Variants in HS3ST4 observed in about 807,000 individuals in gnomAD.
HS3ST4 encodes the protein heparan sulfate glucosamine 3-O-sulfotransferase 4.
HS3ST4 carries 17 observed loss-of-function variants against 29.2 expected under a neutral mutation model. That is an observed-to-expected ratio of 0.58 (90% CI 0.40 to 0.87). HS3ST4 has a LOEUF of 0.87. HS3ST4 is among the 40% of genes least tolerant of loss of function. HS3ST4 has a pLI of 0.00. For missense variants in HS3ST4, 627 were observed against 634.5 expected, an observed-to-expected ratio of 0.99 and a Z score of 0.13; for synonymous variants, 314 against 285.7, an observed-to-expected ratio of 1.10 and a Z score of -1.00.
intron 1 of HS3ST4, among the ~76,000 whole-genome samples, chr16:25,943,232 T>A (rs991153077): frequency 6.6e-6 from 1 of 152,214 alleles, no homozygotes; most frequent in African/African-American, 2.4e-5. Flanking sequence ...GAAATATATA[T>A]GGAGGACATA....
chr16:26,122,117 T>G (rs1318725957), intron 1 of HS3ST4, among the ~76,000 whole-genome samples: 1 of 139,660 alleles, frequency 7.2e-6, no homozygotes, highest in African/African-American at 2.8e-5. Context: ...CCTGTGGACT[T>G]AAGAATTATT....
chr16:25,957,277 T>G (rs1241514694), intron 1 of HS3ST4, among the ~76,000 whole-genome samples: 1 of 152,188 alleles, frequency 6.6e-6, no homozygotes, highest in Non-Finnish European at 1.5e-5. Flanking sequence ...CCCCTTCCCC[T>G]GCCTCTTCTC....
intron 1 of HS3ST4, among the ~76,000 whole-genome samples, chr16:26,073,372 CTTTTCTT>C (rs1898623175): frequency 6.6e-6 from 1 of 150,498 alleles, no homozygotes; most frequent in Middle Eastern, 3.2e-3. Context: ...CTTTTCTTTT[CTTTTCTT>C]TTCTTTTTTT....
At chr16:25,927,459 A>T (rs1358715352) in intron 1 of HS3ST4, among the ~76,000 whole-genome samples, 1 of 152,204 alleles carries the variant, frequency 6.6e-6, no homozygotes, top group Non-Finnish European at 1.5e-5. Context: ...CAATAATTCT[A>T]ACTCTTCTGC....
chr16:26,135,691 A>C lies in HS3ST4; in HGVS notation c.814A>C (p.Lys272Gln). ...PSYFVTNEAP[K>Q]RIHSMAKDIK... Reference sequence around the variant, plus strand: ...TTACTTTGTGACAAATGAGGCTCCCAAGCGCATTCACTCCATGGCCAAGGA... The same window carrying C: ...TTACTTTGTGACAAATGAGGCTCCCCAGCGCATTCACTCCATGGCCAAGGA... The change falls in exon 2 of 2, where the codon AAG becomes CAG. Residue 272 changes from lysine (K) to glutamine (Q), a missense_variant. Lys to Gln is a moderately conservative substitution (Grantham distance 53). This residue lies in a region of HS3ST4 where 225 missense variants were observed against 293.7 expected (regional missense o/e 0.77). Coordinates refer to ENST00000331351, the MANE Select transcript of HS3ST4 (RefSeq NM_006040.3). The C allele has an allele frequency of 6.2e-7, 1 of 1,614,010 alleles. No homozygotes were observed. The highest frequency in any genetic ancestry group is 1.3e-5 in the African/African-American group (1 of 75,052).
chr16:26,091,326 A>G (rs921758297), intron 1 of HS3ST4, among the ~76,000 whole-genome samples: 5 of 152,216 alleles, frequency 3.3e-5, no homozygotes, highest in Non-Finnish European at 7.3e-5. Context: ...TAATCAATAG[A>G]TATAGTGAAA....
intron 1 of HS3ST4, among the ~76,000 whole-genome samples, chr16:25,946,080 G>A (rs957184724): frequency 2.2e-4 from 34 of 152,164 alleles, no homozygotes; most frequent in East Asian, 5.8e-4. Context: ...ATGTTCTGCC[G>A]CCAGCCACTC....
At chr16:25,809,378 C>G (rs1235353581) in intron 1 of HS3ST4, among the ~76,000 whole-genome samples, 2 of 152,090 alleles carry the variant, frequency 1.3e-5, no homozygotes, top group Non-Finnish European at 2.9e-5. Flanking sequence ...CTTTGCATAC[C>G]TGGAATAAAT....
intron 1 of HS3ST4, among the ~76,000 whole-genome samples, chr16:26,106,873 T>C (rs1462175053): frequency 6.6e-6 from 1 of 152,206 alleles, no homozygotes; most frequent in Non-Finnish European, 1.5e-5. Flanking sequence ...TGAATTGTCA[T>C]GCCCTGTGGG....
chr16:25,986,851 G>A (rs1372256571), intron 1 of HS3ST4, among the ~76,000 whole-genome samples: 2 of 152,240 alleles, frequency 1.3e-5, no homozygotes, highest in Non-Finnish European at 2.9e-5. Flanking sequence ...GACCTAGGAT[G>A]TAATTTTCAG....
chr16:25,880,460 C>G (rs1391646375), intron 1 of HS3ST4, among the ~76,000 whole-genome samples: 2 of 152,170 alleles, frequency 1.3e-5, no homozygotes, highest in Non-Finnish European at 2.9e-5. Flanking sequence ...TGACACGCAA[C>G]CATCTCTTTA....
At chr16:25,899,816 T>C (rs138600618) in intron 1 of HS3ST4, among the ~76,000 whole-genome samples, 14 of 152,238 alleles carry the variant, frequency 9.2e-5, no homozygotes, top group African/African-American at 3.1e-4. Context: ...TTCTTCTCTC[T>C]TCCTGTCTTA....
intron 1 of HS3ST4, among the ~76,000 whole-genome samples, chr16:25,975,559 G>A (rs1036182894): frequency 1.3e-5 from 2 of 152,076 alleles, no homozygotes; most frequent in African/African-American, 4.8e-5. Flanking sequence ...AGGAAAGGTT[G>A]AAATTAAAAA....
At chr16:25,733,784 A>G (rs370183582) in intron 1 of HS3ST4, among the ~76,000 whole-genome samples, 4 of 152,312 alleles carry the variant, frequency 2.6e-5, no homozygotes. Context: ...AGGTGAGTGC[A>G]GCAGATGGGG....
At chr16:25,836,767 A>G (rs923475579) in intron 1 of HS3ST4, among the ~76,000 whole-genome samples, 1 of 152,240 alleles carries the variant, frequency 6.6e-6, no homozygotes, top group African/African-American at 2.4e-5. Flanking sequence ...ATAGACCCAG[A>G]ATATAACCTT....
At chr16:26,052,229 G>A (rs528900838) in intron 1 of HS3ST4, among the ~76,000 whole-genome samples, 9 of 152,068 alleles carry the variant, frequency 5.9e-5, no homozygotes, top group South Asian at 2.1e-4. Flanking sequence ...GCATTCCATC[G>A]GACCCTTTTT....
chr16:25,692,334 C>T lies in HS3ST4; in HGVS notation c.-84C>T. 1.3e-5 allele frequency: 2 copies of T among 152,398 alleles called. No homozygotes were observed. The highest frequency in any genetic ancestry group is 2.6e-5 in the Non-Finnish European group (2 of 76,732). 9.4% of individuals were successfully genotyped at this position (152,398 alleles called of 1,614,324 possible). On this transcript the variant is annotated 5_prime_UTR_variant, in exon 1 of 2. Transcript: ENST00000331351. ...GCGGCGGCGGCGGCGGCGGCGGCGG[C>T]GGCGGGGGCGGCGGCTGAAACCATG...
At chr16:25,974,125 T>G (rs1567284997) in intron 1 of HS3ST4, among the ~76,000 whole-genome samples, 1 of 152,224 alleles carries the variant, frequency 6.6e-6, no homozygotes, top group Non-Finnish European at 1.5e-5. Context: ...GATTTATACA[T>G]TATCCCTAGT....
intron 1 of HS3ST4, among the ~76,000 whole-genome samples, chr16:25,865,775 G>T (rs1336268883): frequency 6.6e-6 from 1 of 152,118 alleles, no homozygotes; most frequent in East Asian, 1.9e-4. Context: ...CCCACATAGA[G>T]AAGGATGAAA....
Sources: gnomAD v4.1 joint callset for allele counts (sites outside exome capture counted in the v4.1 genomes callset) on GRCh38, gnomAD v4.1.1 for gene constraint, gnomAD v4.1.1 regional missense constraint, MANE v1.5 for transcripts, NCBI Gene and HGNC (gene_info 2026-07-23, HGNC 2026-07-21) for gene names.